Variants in SPATA12 observed in about 807,000 individuals in gnomAD.
SPATA12 encodes spermatogenesis associated 12, also known as spermatogenesis-associated protein 12.
For missense variants in SPATA12, 219 were observed against 226.4 expected (o/e 0.97, Z 0.21); for synonymous variants, 85 against 89.2 (o/e 0.95, Z 0.26).
At chr3:57,072,342 G>A (rs983073436) in intron 1 of SPATA12, among the ~76,000 whole-genome samples, 14 of 152,050 alleles carry the variant, frequency 9.2e-5, no homozygotes, top group African/African-American at 2.9e-4. Context: ...GCCAGGGCAG[G>A]TAAAAGAGAG....
rs2107421672 is a variant in SPATA12, at chr3:57,074,960, G to C, written c.*693G>C. 6.0e-6 allele frequency: 1 copy of C among 167,458 alleles called. No individual in the cohort carries two copies. The highest frequency in any genetic ancestry group is 2.1e-4 in the South Asian group (1 of 4,822). 10.4% of individuals were successfully genotyped at this position (167,458 alleles called of 1,614,324 possible). On this transcript the variant is annotated 3_prime_UTR_variant, in exon 2 of 2. Transcript: ENST00000334325. Reference sequence around the variant, plus strand: ...CCTGCCAGGACCTGGAGGGCAGGAGGAGAGTTCTGCCTACATTGTCTCATT... The same window carrying C: ...CCTGCCAGGACCTGGAGGGCAGGAGCAGAGTTCTGCCTACATTGTCTCATT...
intron 1 of SPATA12, among the ~76,000 whole-genome samples, chr3:57,069,450 T>C (rs1357603462): frequency 6.7e-6 from 1 of 150,132 alleles, no homozygotes; most frequent in Non-Finnish European, 1.5e-5. Context: ...CCCAGATGAG[T>C]TGAGGTATGA....
chr3:57,071,971 C>T (rs1705931238), intron 1 of SPATA12, among the ~76,000 whole-genome samples: 1 of 152,096 alleles, frequency 6.6e-6, no homozygotes, highest in South Asian at 2.1e-4. Context: ...ACCAAATATA[C>T]ATTTCTCCAA....
intron 1 of SPATA12, among the ~76,000 whole-genome samples, chr3:57,064,785 A>G (rs1455943944): frequency 1.3e-5 from 2 of 152,202 alleles, no homozygotes; most frequent in Admixed American, 1.3e-4. Context: ...GACTAGGGGC[A>G]GGGGGGAATG....
intron 1 of SPATA12, among the ~76,000 whole-genome samples, chr3:57,070,208 G>A (rs549228428): frequency 6.6e-6 from 1 of 152,272 alleles, no homozygotes; most frequent in South Asian, 2.1e-4. Flanking sequence ...GAAGCAAGGG[G>A]TTATGGGAGT....
Position 57,072,627 on chromosome 3 carries a change from A to G in SPATA12, c.-329-739A>G, listed in dbSNP as rs1705974924. On this transcript the variant is annotated intron_variant, in intron 1 of 1. Transcript: ENST00000334325. ...CGTGGTGGCACATGCCTGTAGTCCC[A>G]GCTACTAGGGAGGCTGAGGCATGAG... Among the ~76,000 whole-genome samples, 5 of 151,454 alleles carry G rather than the reference A, an allele frequency of 3.3e-5. No homozygotes were observed. The East Asian group carries it at 9.7e-4, about 29-fold the overall frequency.
chr3:57,074,257 C>CACAT lies in SPATA12; in HGVS notation c.564_567dup (p.Leu190ThrfsTer37). 6.2e-7 allele frequency: 1 copy of CACAT among 1,611,640 alleles called. No homozygotes were observed. The highest frequency in any genetic ancestry group is 8.5e-7 in the Non-Finnish European group (1 of 1,178,418). On this transcript the variant is annotated frameshift_variant, in exon 2 of 2. Transcript: ENST00000334325. LOFTEE classifies it high-confidence loss of function. ...GTATACTCCAACACACACATACACA[C>CACAT]ACATCTGTAATCAATAATAATCCTG...
Position 57,068,156 on chromosome 3 carries a change from C to T in SPATA12, c.-329-5210C>T, listed in dbSNP as rs573090961. Reference sequence around the variant, plus strand: ...TTTCACCAAATAATTCAGATATGCGCGCACACACACATACACACACACACA... The same window carrying T: ...TTTCACCAAATAATTCAGATATGCGTGCACACACACATACACACACACACA... On this transcript the variant is annotated intron_variant, in intron 1 of 1. Coordinates refer to ENST00000334325, the MANE Select transcript of SPATA12 (RefSeq NM_181727.2). Among the ~76,000 whole-genome samples the T allele has an allele frequency of 1.2e-3, 99 of 80,408 alleles. 1 individual carries two copies. In the South Asian group the frequency reaches 0.022, roughly 18 times the overall value. 52.8% of individuals were successfully genotyped at this position (80,408 alleles called of 152,430 possible). A position where few individuals can be genotyped will look rare whatever the true frequency, so the allele number is the denominator to read the frequency against.
intron 1 of SPATA12, among the ~76,000 whole-genome samples, chr3:57,062,727 A>G (rs1033219330): frequency 5.9e-5 from 9 of 152,150 alleles, no homozygotes; most frequent in Non-Finnish European, 1.3e-4. Flanking sequence ...CACAACAAAC[A>G]TGCACACACA....
rs1172617193 is a variant in SPATA12 at position 57,073,398 on chromosome 3, G to A, written c.-297G>A. The A allele has an allele frequency of 1.5e-5, 5 of 333,892 alleles. No individual in the cohort carries two copies. The highest frequency in any genetic ancestry group is 2.7e-5 in the Non-Finnish European group (5 of 183,486). 20.7% of individuals were successfully genotyped at this position (333,892 alleles called of 1,614,324 possible). ...GGAAGGAAAGAGAGAGAAAGCCACTGGAGTTGGGCAGCGTGGGAAGCTGTG... is the reference window on the plus strand; with the variant it reads ...GGAAGGAAAGAGAGAGAAAGCCACTAGAGTTGGGCAGCGTGGGAAGCTGTG... On this transcript the variant is annotated 5_prime_UTR_variant, in exon 2 of 2. Coordinates refer to ENST00000334325, the MANE Select transcript of SPATA12 (RefSeq NM_181727.2).
intron 1 of SPATA12, among the ~76,000 whole-genome samples, chr3:57,064,963 A>G (rs1299841792): frequency 6.6e-6 from 1 of 152,250 alleles, no homozygotes; most frequent in Non-Finnish European, 1.5e-5. Context: ...TTTTTGAGAC[A>G]CAATAGAAGG....
rs376097047 is a variant in SPATA12 at position 57,074,146 on chromosome 3, T to C, written c.452T>C (p.Ile151Thr). Residue 151 changes from isoleucine to threonine, a missense_variant, in exon 2 of 2, where the codon ATA becomes ACA. Transcript: ENST00000334325. ...TGWLWRLCED[I>T]DAEPSSTGCS... ...TGGTTGTGGAGACTGTGTGAGGATA[T>C]AGATGCCGAGCCCAGTAGCACAGGG... 8.1e-5 allele frequency: 130 copies of C among 1,614,036 alleles called. No homozygotes were observed. The highest frequency in any genetic ancestry group is 1.0e-4 in the Non-Finnish European group (121 of 1,180,026).
rs779760048 is a variant in SPATA12, at chr3:57,074,283, C to A, written c.*16C>A. 1.3e-6 allele frequency: 2 copies of A among 1,595,362 alleles called. No individual in the cohort carries two copies. The highest frequency in any genetic ancestry group is 2.2e-5 in the South Asian group (2 of 89,272). ...ACATCTGTAATCAATAATAATCCTG[C>A]AACATCTGAGAGTCTGGCAGCTGTT... On this transcript the variant is annotated 3_prime_UTR_variant, in exon 2 of 2. Coordinates refer to ENST00000334325, the MANE Select transcript of SPATA12 (RefSeq NM_181727.2).
chr3:57,072,361 T>G lies in SPATA12; in HGVS notation c.-329-1005T>G, dbSNP rs781536929. ...GGGCAGGTAAAAGAGAGGAGAAATG[T>G]ATACGGTCAAAGAAAACACTCTTGG... On this transcript the variant is annotated intron_variant, in intron 1 of 1. Coordinates refer to ENST00000334325, the MANE Select transcript of SPATA12 (RefSeq NM_181727.2). 8.8e-4 allele frequency among the ~76,000 whole-genome samples: 133 copies of G among 151,986 alleles called. No individual in the cohort carries two copies. The Middle Eastern group carries it at 0.01, about 12-fold the overall frequency.
At chr3:57,069,395 A>ACACACACACACACG (rs1440363330) in intron 1 of SPATA12, among the ~76,000 whole-genome samples, 2 of 151,874 alleles carry the variant, frequency 1.3e-5, no homozygotes, top group African/African-American at 4.8e-5. Context: ...ACACACACAC[A>ACACACACACACACG]CACACACACA....
chr3:57,067,627 G>A (rs958494573), intron 1 of SPATA12, among the ~76,000 whole-genome samples: 10 of 151,150 alleles, frequency 6.6e-5, no homozygotes, highest in African/African-American at 2.4e-4. Context: ...ATGAGGCCAG[G>A]AGTTTGAGAC....
chr3:57,071,681 C>T (rs542340297), intron 1 of SPATA12, among the ~76,000 whole-genome samples: 4 of 150,918 alleles, frequency 2.7e-5, no homozygotes, highest in Non-Finnish European at 5.9e-5. Flanking sequence ...AAAAAATATG[C>T]CTTAGGCATA....
intron 1 of SPATA12, among the ~76,000 whole-genome samples, chr3:57,070,971 C>CAAAA (rs1231328722): frequency 5.4e-4 from 26 of 48,340 alleles, no homozygotes; most frequent in South Asian, 7.8e-4. Flanking sequence ...GACTCTGTCA[C>CAAAA]AAAAAAAAAA....
intron 1 of SPATA12, among the ~76,000 whole-genome samples, chr3:57,067,682 A>T (rs1237980985): frequency 6.7e-6 from 1 of 150,124 alleles, no homozygotes; most frequent in African/African-American, 2.4e-5. Flanking sequence ...AAAAAATTTA[A>T]AAAATTAGCC....
Sources: gnomAD v4.1 joint callset for allele counts (sites outside exome capture counted in the v4.1 genomes callset) on GRCh38, gnomAD v4.1.1 for gene constraint, MANE v1.5 for transcripts, NCBI Gene and HGNC (gene_info 2026-07-23, HGNC 2026-07-21) for gene names.